FAT3: variants seen among roughly 807,000 people sequenced by gnomAD.
FAT3 encodes FAT atypical cadherin 3.
FAT3 carries 95 observed loss-of-function variants against 310.2 expected under a neutral mutation model. That is an observed-to-expected ratio of 0.31 (90% CI 0.26 to 0.36). The LOEUF is 0.36. FAT3 is among the 10% of genes least tolerant of loss of function. FAT3 has a pLI of 1.00. For synonymous variants in FAT3, 2,314 were observed against 2,192.9 expected (o/e 1.06, Z -1.54); for missense variants, 5,408 against 5,715.6 (o/e 0.95, Z 1.74).
chr11:92,246,731 G>A (rs1864927886), intron 1 of FAT3, among the ~76,000 whole-genome samples: 1 of 152,086 alleles, frequency 6.6e-6, no homozygotes, highest in African/African-American at 2.4e-5. Context: ...GGCAGCACCA[G>A]GGGCTGTGTT....
At chr11:92,713,720 G>A (rs1457796876) in intron 4 of FAT3, among the ~76,000 whole-genome samples, 1 of 152,096 alleles carries the variant, frequency 6.6e-6, no homozygotes, top group Admixed American at 6.5e-5. Flanking sequence ...AAAATTGAAG[G>A]CTAGTTAAAA....
chr11:92,717,082 T>A (rs1216009698), intron 4 of FAT3, among the ~76,000 whole-genome samples: 1 of 152,218 alleles, frequency 6.6e-6, no homozygotes, highest in Non-Finnish European at 1.5e-5. Flanking sequence ...GGTTGTTTTA[T>A]GTGTTGTGTA....
intron 3 of FAT3, among the ~76,000 whole-genome samples, chr11:92,685,548 ACATTT>A (rs1943608410): frequency 6.6e-6 from 1 of 151,150 alleles, no homozygotes; most frequent in South Asian, 2.1e-4. Flanking sequence ...GCGTACATAC[ACATTT>A]CATTATTATA....
intron 2 of FAT3, among the ~76,000 whole-genome samples, chr11:92,520,739 T>G (rs1375231078): frequency 1.3e-5 from 2 of 152,100 alleles, no homozygotes; most frequent in Non-Finnish European, 2.9e-5. Flanking sequence ...TGGATGAAAC[T>G]CAGTAATTAA....
At chr11:92,702,423 G>A (rs1364975833) in intron 4 of FAT3, among the ~76,000 whole-genome samples, 3 of 152,210 alleles carry the variant, frequency 2.0e-5, no homozygotes. Context: ...CTTTTCGTCT[G>A]CATGAGCGTT....
At chr11:92,469,555 C>T (rs967512826) in intron 2 of FAT3, among the ~76,000 whole-genome samples, 9 of 151,948 alleles carry the variant, frequency 5.9e-5, no homozygotes, top group Admixed American at 2.0e-4. Flanking sequence ...CACCCTGTCA[C>T]CCAGGCTGGA....
At chr11:92,329,854 G>C in intron 1 of FAT3, among the ~76,000 whole-genome samples, 1 of 77,404 alleles carries the variant, frequency 1.3e-5, no homozygotes, top group East Asian at 3.8e-4. Context: ...AACCTTGACA[G>C]TTTCTGCAGT....
chr11:92,290,974 T>C (rs1946674191), intron 1 of FAT3, among the ~76,000 whole-genome samples: 1 of 151,826 alleles, frequency 6.6e-6, no homozygotes, highest in Non-Finnish European at 1.5e-5. Flanking sequence ...AGTTTGCAAA[T>C]ACATATGAGA....
At chr11:92,821,013 A>G (rs1565624646) in intron 13 of FAT3, among the ~76,000 whole-genome samples, 1 of 152,194 alleles carries the variant, frequency 6.6e-6, no homozygotes, top group Non-Finnish European at 1.5e-5. Flanking sequence ...TTGGGAGCAC[A>G]GCTATTTGAC....
intron 3 of FAT3, among the ~76,000 whole-genome samples, chr11:92,635,287 C>T (rs992958748): frequency 2.0e-5 from 3 of 152,002 alleles, no homozygotes; most frequent in African/African-American, 7.2e-5. Context: ...ATATTTAAGA[C>T]AAAATTTTCA....
intron 4 of FAT3, among the ~76,000 whole-genome samples, chr11:92,740,449 C>T (rs1166605691): frequency 1.3e-5 from 2 of 152,144 alleles, no homozygotes; most frequent in Non-Finnish European, 1.5e-5. Flanking sequence ...CTGCCTGAGG[C>T]GGAATGACTA....
chr11:92,444,126 G>A (rs141140767), intron 2 of FAT3, among the ~76,000 whole-genome samples: 108 of 152,204 alleles, frequency 7.1e-4, no homozygotes, highest in Admixed American at 6.8e-3. Context: ...ATAAAATATT[G>A]TGAACCATAT....
chr11:92,659,050 A>G (rs1052367824), intron 3 of FAT3, among the ~76,000 whole-genome samples: 2 of 152,108 alleles, frequency 1.3e-5, no homozygotes, highest in Non-Finnish European at 2.9e-5. Flanking sequence ...GATAGGGGAC[A>G]CTAAATTCTT....
At chr11:92,396,896 A>G (rs1591225061) in intron 2 of FAT3, among the ~76,000 whole-genome samples, 1 of 152,018 alleles carries the variant, frequency 6.6e-6, no homozygotes, top group African/African-American at 2.4e-5. Flanking sequence ...TAGTAGAGAC[A>G]GGGTTTCACC....
At chr11:92,348,765 T>C (rs1222511400) in intron 1 of FAT3, among the ~76,000 whole-genome samples, 4 of 152,198 alleles carry the variant, frequency 2.6e-5, no homozygotes, top group Non-Finnish European at 5.9e-5. Flanking sequence ...ACTCAGGAGA[T>C]TGGAACAGAT....
intron 17 of FAT3, among the ~76,000 whole-genome samples, chr11:92,839,959 A>G (rs1274361236): frequency 6.6e-6 from 1 of 152,220 alleles, no homozygotes; most frequent in East Asian, 1.9e-4. Context: ...TTCATTGTCA[A>G]ATGGAGGAAT....
At chr11:92,390,358 G>A (rs1296467812) in intron 2 of FAT3, among the ~76,000 whole-genome samples, 2 of 152,132 alleles carry the variant, frequency 1.3e-5, no homozygotes, top group African/African-American at 4.8e-5. Flanking sequence ...AGGGAGAGAA[G>A]CAAAGCAAGT....
chr11:92,437,855 G>A (rs1316127741), intron 2 of FAT3, among the ~76,000 whole-genome samples: 1 of 152,094 alleles, frequency 6.6e-6, no homozygotes, highest in East Asian at 1.9e-4. Context: ...CATTAGTCTG[G>A]GGATCAGCAT....
In FAT3 at chr11:92,890,872, C is replaced by T. The variant is rs1292062492; in HGVS notation, c.13529C>T (p.Ala4510Val). The change falls in exon 28 of 28, where the codon GCC becomes GTC. Residue 4510 changes from alanine to valine, a missense_variant. This residue lies in a region of FAT3 where 649 missense variants were observed against 666.2 expected (regional missense o/e 0.97). Coordinates refer to ENST00000525166, the MANE Select transcript of FAT3 (RefSeq NM_001367949.2). Reference protein sequence around the residue: ...PNETDLVGPPASCEFSTFAVS... With the variant: ...PNETDLVGPPVSCEFSTFAVS... The stretch of plus-strand genomic sequence containing the variant: ...GAAACGGATTTGGTGGGCCCGCCTG[C>T]CAGCTGTGAATTTAGTACTTTTGCT... 1.2e-6 allele frequency: 2 copies of T among 1,613,892 alleles called. No homozygotes were observed. The highest frequency in any genetic ancestry group is 1.7e-6 in the Non-Finnish European group (2 of 1,179,866).
Sources: allele counts gnomAD v4.1 joint callset (sites outside exome capture counted in the v4.1 genomes callset), GRCh38; gene constraint gnomAD v4.1.1; regional missense constraint gnomAD v4.1.1; transcripts MANE v1.5; gene names NCBI Gene and HGNC (gene_info 2026-07-23, HGNC 2026-07-21).